The following NOL4 variants were observed in gnomAD, a reference collection of about 807,000 sequenced individuals.
NOL4 encodes the protein nucleolar protein 4.
A neutral mutation model predicts 75.9 loss-of-function variants in NOL4; 17 were observed. The observed-to-expected ratio is 0.22, with a 90% CI of 0.15 to 0.34. The LOEUF (loss-of-function observed/expected upper bound fraction) is 0.34, where lower values mean the gene tolerates loss of function less well. Ranked by LOEUF, NOL4 falls within the 10% of genes least tolerant of loss-of-function variation. The pLI, the probability that NOL4 is intolerant of heterozygous loss-of-function variation, is 1.00. For missense variants in NOL4, 614 were observed against 793.5 expected, an observed-to-expected ratio of 0.77 and a Z score of 2.72; for synonymous variants, 292 against 289.9, an observed-to-expected ratio of 1.01 and a Z score of -0.07.
intron 6 of NOL4, among the ~76,000 whole-genome samples, chr18:33,962,157 G>A (rs979594993): frequency 2.6e-5 from 4 of 152,020 alleles, no homozygotes; most frequent in African/African-American, 9.7e-5. Context: ...CATCATTTGT[G>A]CATCTAGATC....
intron 10 of NOL4, among the ~76,000 whole-genome samples, chr18:33,860,699 C>T (rs1323418628): frequency 1.3e-5 from 2 of 151,842 alleles, no homozygotes; most frequent in Admixed American, 6.6e-5. Context: ...AGAGGGCATC[C>T]CTGTCTTGTG....
chr18:34,019,232 A>G, intron 6 of NOL4, 86 bp downstream of exon 6: 1 of 1,091,994 alleles, frequency 9.2e-7, no homozygotes, highest in Non-Finnish European at 1.3e-6. Flanking sequence ...TTTATTAACA[A>G]TAATGTTTAT....
At chr18:34,127,001 G>T (rs1165574901) in intron 2 of NOL4, among the ~76,000 whole-genome samples, 1 of 151,270 alleles carries the variant, frequency 6.6e-6, no homozygotes, top group Non-Finnish European at 1.5e-5. Flanking sequence ...GCAATAAAGA[G>T]ACCTAAGAGT....
intron 5 of NOL4, among the ~76,000 whole-genome samples, chr18:34,079,195 T>C (rs1243245765): frequency 1.3e-5 from 2 of 152,110 alleles, no homozygotes; most frequent in Non-Finnish European, 2.9e-5. Context: ...GAAGTGTGGG[T>C]TGGCAGAAAA....
chr18:34,106,661 A>AAT (rs2079295726), intron 2 of NOL4, among the ~76,000 whole-genome samples: 2 of 151,402 alleles, frequency 1.3e-5, no homozygotes, highest in South Asian at 2.1e-4. Flanking sequence ...TTAATAAGAA[A>AAT]ATATATATAT....
At chr18:34,198,571 T>C (rs777743566) in intron 1 of NOL4, among the ~76,000 whole-genome samples, 5 of 151,860 alleles carry the variant, frequency 3.3e-5, no homozygotes, top group Non-Finnish European at 5.9e-5. Flanking sequence ...TAGAAATGTA[T>C]TGATGCCTGT....
At chr18:34,085,116 TATATAA>T (rs1203063580) in intron 5 of NOL4, among the ~76,000 whole-genome samples, 1 of 152,218 alleles carries the variant, frequency 6.6e-6, no homozygotes, top group Non-Finnish European at 1.5e-5. Context: ...TATAGCTGGA[TATATAA>T]ATCAATAGGT....
At chr18:33,950,285 T>C (rs1191699160) in intron 8 of NOL4, among the ~76,000 whole-genome samples, 2 of 151,950 alleles carry the variant, frequency 1.3e-5, no homozygotes, top group Non-Finnish European at 2.9e-5. Flanking sequence ...CTGTTTTCTT[T>C]TGTGAAAAAA....
chr18:33,916,444 A>G (rs1028636580), intron 9 of NOL4, among the ~76,000 whole-genome samples: 15 of 152,250 alleles, frequency 9.9e-5, no homozygotes, highest in African/African-American at 3.4e-4. Flanking sequence ...TACTCTGTCA[A>G]AGTCATCTGG....
intron 1 of NOL4, among the ~76,000 whole-genome samples, chr18:34,195,941 C>T (rs2035296532): frequency 6.6e-6 from 1 of 152,046 alleles, no homozygotes; most frequent in African/African-American, 2.4e-5. Context: ...TTCAGGGTAA[C>T]CTTTCTCTAA....
intron 1 of NOL4, among the ~76,000 whole-genome samples, chr18:34,184,187 T>G (rs369985083): frequency 6.6e-6 from 1 of 151,806 alleles, no homozygotes; most frequent in East Asian, 1.9e-4. Flanking sequence ...TTCAGCCGAA[T>G]TGAAACTGCA....
intron 5 of NOL4, among the ~76,000 whole-genome samples, chr18:34,069,419 C>A (rs1236584380): frequency 6.6e-6 from 1 of 152,016 alleles, no homozygotes; most frequent in Non-Finnish European, 1.5e-5. Flanking sequence ...TTCAAAAATA[C>A]ACATACAATT....
chr18:33,918,006 C>A (rs1281754831), intron 9 of NOL4, among the ~76,000 whole-genome samples: 1 of 152,110 alleles, frequency 6.6e-6, no homozygotes, highest in Non-Finnish European at 1.5e-5. Flanking sequence ...TGTCATTGTA[C>A]AAACATCTTA....
chr18:34,060,308 T>C (rs1053304764), intron 5 of NOL4, among the ~76,000 whole-genome samples: 6 of 152,196 alleles, frequency 3.9e-5, no homozygotes, highest in Non-Finnish European at 7.3e-5. Flanking sequence ...CATTTGAATA[T>C]GTAAACACAG....
Position 33,968,825 on chromosome 18 carries a change from T to G in NOL4, c.1057-10407A>C, listed in dbSNP as rs1044942379. 3.9e-5 allele frequency among the ~76,000 whole-genome samples: 6 copies of G among 152,212 alleles called. No individual in the cohort carries two copies. The East Asian group carries it at 1.2e-3, about 29-fold the overall frequency. Reference sequence around the variant, plus strand: ...GCCACAAGCAACACAAATGCAAAAATAAATGACATTTTCCCATTTTTCTTG... The same window carrying G: ...GCCACAAGCAACACAAATGCAAAAAGAAATGACATTTTCCCATTTTTCTTG... On this transcript the variant is annotated intron_variant, in intron 6 of 10. Transcript: ENST00000261592.
intron 1 of NOL4, among the ~76,000 whole-genome samples, chr18:34,203,276 C>G (rs1246399164): frequency 6.6e-6 from 1 of 151,774 alleles, no homozygotes; most frequent in Non-Finnish European, 1.5e-5. Context: ...GGGGTCATGG[C>G]AGGATGAAGG....
chr18:34,033,176 G>A lies in NOL4; in HGVS notation c.773-13575C>T, dbSNP rs541350054. Among the ~76,000 whole-genome samples, 3 of 151,906 alleles carry A rather than the reference G, an allele frequency of 2.0e-5. No homozygotes were observed. The East Asian group carries it at 5.8e-4, about 29-fold the overall frequency. ...GCAAAAACGTATGACACCTTTAAAG[G>A]GCCATAATTTTCCAGCAATAGATCC... is the stretch of plus-strand genomic sequence containing the variant. On this transcript the variant is annotated intron_variant, in intron 5 of 10. Transcript: ENST00000261592.
intron 9 of NOL4, among the ~76,000 whole-genome samples, chr18:33,890,836 C>T (rs1186781214): frequency 6.6e-6 from 1 of 151,832 alleles, no homozygotes; most frequent in Non-Finnish European, 1.5e-5. Flanking sequence ...CTACTGCAAA[C>T]AAGAATTATC....
chr18:34,047,863 T>C (rs1166711923), intron 5 of NOL4, among the ~76,000 whole-genome samples: 1 of 152,088 alleles, frequency 6.6e-6, no homozygotes, highest in Non-Finnish European at 1.5e-5. Context: ...ACATTGCACA[T>C]GCCTTATGCT....
Sources: gnomAD v4.1 joint callset for allele counts (sites outside exome capture counted in the v4.1 genomes callset) on GRCh38, gnomAD v4.1.1 for gene constraint, MANE v1.5 for transcripts, NCBI Gene and HGNC (gene_info 2026-07-23, HGNC 2026-07-21) for gene names.